ZNF875: variants seen among roughly 807,000 people sequenced by gnomAD.
The protein encoded by ZNF875 is HKR1, GLI-Kruppel zinc finger family member.
Under a neutral mutation model 11.2 loss-of-function variants are expected in ZNF875, and 14 were observed. The ratio of observed to expected loss-of-function variants is 1.26; its 90% CI spans 0.83 to 1.96. The LOEUF (loss-of-function observed/expected upper bound fraction) is 1.96, where lower values mean the gene tolerates loss of function less well. Among genes scored for constraint, ZNF875 ranks in the 30% most tolerant of loss-of-function variants. The pLI, the probability that ZNF875 is intolerant of heterozygous loss-of-function variation, is 0.00. For synonymous variants in ZNF875, 301 were observed against 281.1 expected (o/e 1.07, Z -0.71); for missense variants, 752 against 760.4 (o/e 0.99, Z 0.13).
At chr19:37,334,937 T>C (rs2289874) in intron 1 of ZNF875, 155 bp downstream of exon 1, 16,934 of 314,028 alleles carry the variant, frequency 0.054, 1,259 homozygotes, top group African/African-American at 0.31. Context: ...GGGTTAGAGA[T>C]AAACCCTCAC....
intron 4 of ZNF875, among the ~76,000 whole-genome samples, chr19:37,325,579 T>G (rs1465924288): frequency 5.3e-5 from 8 of 151,860 alleles, no homozygotes; most frequent in Non-Finnish European, 8.8e-5. Context: ...AGGGTCTTGC[T>G]TTGTTGCCCA....
chr19:37,339,644 A>G (rs1471510369), intron 2 of ZNF875, among the ~76,000 whole-genome samples: 1 of 146,440 alleles, frequency 6.8e-6, no homozygotes, highest in Non-Finnish European at 1.5e-5. Flanking sequence ...GCCTCACTGC[A>G]ACCTCTGCCT....
At chr19:37,342,244 A>T (rs1418186687) in intron 2 of ZNF875, among the ~76,000 whole-genome samples, 3 of 151,688 alleles carry the variant, frequency 2.0e-5, no homozygotes, top group African/African-American at 7.3e-5. Context: ...ATTTTGAGAC[A>T]TGTGCTGGCT....
chr19:37,344,316 G>A (rs1261607925), intron 2 of ZNF875, among the ~76,000 whole-genome samples: 1 of 152,096 alleles, frequency 6.6e-6, no homozygotes, highest in African/African-American at 2.4e-5. Flanking sequence ...ACATTGCTGG[G>A]CTCCCCCCGC....
upstream of ZNF875, among the ~76,000 whole-genome samples, chr19:37,330,436 C>T (rs2033200328): frequency 6.6e-6 from 1 of 152,190 alleles, no homozygotes; most frequent in African/African-American, 2.4e-5. Flanking sequence ...TCCTTGTGCA[C>T]CCACTTTCCT....
At position 37,363,126 on chromosome 19, in the gene ZNF875, C is replaced by T. The variant is rs774078964; in HGVS notation, c.1274C>T (p.Thr425Ile). The stretch of plus-strand genomic sequence containing the variant: ...ACAGGAGAGAAGCCTTATGTATGCA[C>T]AGAATGTGGGCGTCACTTTAGCTGG... ...THTGEKPYVC[T>I]ECGRHFSWKS... Residue 425 changes from threonine (T) to isoleucine (I), a missense_variant, in exon 5 of 5, where the codon ACA becomes ATA. By Grantham distance (89) the Thr-to-Ile change is moderately conservative. Coordinates refer to ENST00000392153, the MANE Select transcript of ZNF875 (RefSeq NM_001353803.2). 6 of 1,612,680 alleles carry T rather than the reference C, an allele frequency of 3.7e-6. No homozygotes were observed. The highest frequency in any genetic ancestry group is 1.3e-5 in the African/African-American group (1 of 74,488).
chr19:37,336,101 A>G (rs2034333827), intron 2 of ZNF875, among the ~76,000 whole-genome samples: 1 of 152,168 alleles, frequency 6.6e-6, no homozygotes, highest in Non-Finnish European at 1.5e-5. Context: ...GGGACAGCAC[A>G]GATGCCTGTG....
At chr19:37,329,825 G>A (rs2145809559), upstream of ZNF875, among the ~76,000 whole-genome samples, 1 of 152,178 alleles carries the variant, frequency 6.6e-6, no homozygotes, top group East Asian at 1.9e-4. Context: ...GCTTTTCCTG[G>A]ATGCTCTCTC....
intron 4 of ZNF875, chr19:37,359,563 C>G: frequency 4.3e-6 from 1 of 233,422 alleles, no homozygotes; most frequent in South Asian, 3.9e-5. Context: ...ACCACCACAC[C>G]TGGCTAATTT....
intron 4 of ZNF875, among the ~76,000 whole-genome samples, chr19:37,350,544 C>T (rs1191023218): frequency 3.3e-5 from 5 of 152,116 alleles, no homozygotes; most frequent in African/African-American, 1.2e-4. Flanking sequence ...GACATTGGTA[C>T]AGTACTATTG....
chr19:37,336,685 A>G lies in ZNF875; in HGVS notation c.33+1428A>G, dbSNP rs574947907. 1.7e-3 allele frequency among the ~76,000 whole-genome samples: 259 copies of G among 150,762 alleles called. 6 individuals carry two copies. The highest frequency in any genetic ancestry group is 2.7e-4 in the Non-Finnish European group (18 of 67,802). On this transcript the variant is annotated intron_variant, in intron 2 of 4. Coordinates refer to ENST00000392153, the MANE Select transcript of ZNF875 (RefSeq NM_001353803.2). ...GCACTGTGGGAGGCTGAGGCAGGCGAATCACGAGGTCAGGAGATGGAGACC... is the reference window on the plus strand; with the variant it reads ...GCACTGTGGGAGGCTGAGGCAGGCGGATCACGAGGTCAGGAGATGGAGACC...
intron 2 of ZNF875, among the ~76,000 whole-genome samples, chr19:37,345,635 A>G (rs1475409563): frequency 6.6e-6 from 1 of 152,220 alleles, no homozygotes; most frequent in Non-Finnish European, 1.5e-5. Context: ...CTGTGGTCCT[A>G]CAGCAGTGCA....
chr19:37,336,182 G>GCCCCT (rs2034358896), intron 2 of ZNF875, among the ~76,000 whole-genome samples: 1 of 152,126 alleles, frequency 6.6e-6, no homozygotes, highest in African/African-American at 2.4e-5. Flanking sequence ...TTGTTAAGTT[G>GCCCCT]GAGATTGGGG....
chr19:37,362,865 A>G lies in ZNF875; in HGVS notation c.1013A>G (p.Tyr338Cys). 1.9e-6 allele frequency: 3 copies of G among 1,614,080 alleles called. No homozygotes were observed. The highest frequency in any genetic ancestry group is 2.5e-6 in the Non-Finnish European group (3 of 1,180,004). ...HQRTHSGLKP[Y>C]VCKECGQSFS... ...CGGACACACTCAGGGCTCAAGCCTTATGTGTGCAAGGAATGTGGGCAGAGC... is the reference window on the plus strand; with the variant it reads ...CGGACACACTCAGGGCTCAAGCCTTGTGTGTGCAAGGAATGTGGGCAGAGC... Residue 338 changes from tyrosine to cysteine, a missense_variant, in exon 5 of 5, where the codon TAT (tyrosine) becomes TGT (cysteine). Tyr to Cys is a radical substitution (Grantham distance 194). Coordinates refer to ENST00000392153, the MANE Select transcript of ZNF875 (RefSeq NM_001353803.2).
In ZNF875 at chr19:37,363,806, G is replaced by C; in HGVS notation, c.*31G>C. ...TTATGTGTATAGGGAATGTGGTACA[G>C]CCTTTAGCCAGGAGTCATACTTCAT... On this transcript the variant is annotated 3_prime_UTR_variant, in exon 5 of 5. Transcript: ENST00000392153. 1 of 1,580,868 alleles carries C rather than the reference G, an allele frequency of 6.3e-7. No homozygotes were observed. The highest frequency in any genetic ancestry group is 1.1e-5 in the South Asian group (1 of 89,508).
intron 4 of ZNF875, among the ~76,000 whole-genome samples, chr19:37,349,688 T>A (rs924930687): frequency 1.3e-5 from 2 of 152,086 alleles, no homozygotes; most frequent in African/African-American, 4.8e-5. Flanking sequence ...GGAGTCTTGC[T>A]CTGTCACCCA....
intron 1 of ZNF875, among the ~76,000 whole-genome samples, chr19:37,318,504 T>C (rs1198012327): frequency 2.0e-5 from 3 of 151,832 alleles, no homozygotes; most frequent in Non-Finnish European, 4.4e-5. Context: ...TCTCAGGCTT[T>C]ATGAAATCAT....
chr19:37,323,862 G>A (rs1288811658), intron 3 of ZNF875, among the ~76,000 whole-genome samples: 5 of 152,228 alleles, frequency 3.3e-5, no homozygotes, highest in Middle Eastern at 3.4e-3. Context: ...TGATCGCTCC[G>A]TTCAAATGCA....
intron 2 of ZNF875, chr19:37,344,563 T>C (rs1214437500): frequency 3.6e-6 from 3 of 822,670 alleles, no homozygotes; most frequent in Non-Finnish European, 6.3e-6. Context: ...GTAAGGCTTC[T>C]TGTGGCCTGT....
Sources: allele counts gnomAD v4.1 joint callset (sites outside exome capture counted in the v4.1 genomes callset), GRCh38; gene constraint gnomAD v4.1.1; transcripts MANE v1.5; gene names NCBI Gene and HGNC (gene_info 2026-07-23, HGNC 2026-07-21).